C16orf46: variants seen among roughly 807,000 people sequenced by gnomAD.
The protein encoded by C16orf46 is chromosome 16 open reading frame 46, also known as uncharacterized protein C16orf46.
C16orf46 carries 7 observed loss-of-function variants against 5.5 expected under a neutral mutation model. That is an observed-to-expected ratio of 1.28 (90% CI 0.73 to 2.40). The LOEUF is 2.40. Ranked by LOEUF, C16orf46 falls within the 30% of genes most tolerant of loss-of-function variation. The pLI is 0.00. For missense variants in C16orf46, 614 were observed against 476.0 expected (o/e 1.29, Z -2.70); for synonymous variants, 200 against 184.1 (o/e 1.09, Z -0.70).
At chr16:81,063,279 T>A (rs1407243310) in intron 3 of C16orf46, among the ~76,000 whole-genome samples, 1 of 149,208 alleles carries the variant, frequency 6.7e-6, no homozygotes, top group Non-Finnish European at 1.5e-5. Context: ...CCCACAGAGT[T>A]CTGAGTAGAG....
chr16:81,057,573 A>G (rs1971336042), downstream of C16orf46, among the ~76,000 whole-genome samples: 1 of 151,734 alleles, frequency 6.6e-6, no homozygotes, highest in African/African-American at 2.4e-5. Context: ...GTTGGTAGAG[A>G]AGGTTAAGTG....
In C16orf46 at chr16:81,054,335, C is replaced by T. The variant is rs1465725099; in HGVS notation, c.1144-241G>A. 2.0e-5 allele frequency among the ~76,000 whole-genome samples: 3 copies of T among 151,394 alleles called. No individual in the cohort carries two copies. In the East Asian group the frequency reaches 5.8e-4, roughly 29 times the overall value. On this transcript the variant is annotated intron_variant, in intron 3 of 3. Coordinates refer to the C16orf46 transcript ENST00000378611. ...TTTTCTTTTTAAAACGTGAGCCCAC[C>T]GAAATTAAGATTTTAATTTTGGGAA...
Position 81,061,520 on chromosome 16 carries a change from CG to C in C16orf46, c.828del (p.Asn276LysfsTer16). On this transcript the variant is annotated frameshift_variant, in exon 4 of 4. Coordinates refer to ENST00000299578, the MANE Select transcript of C16orf46 (RefSeq NM_152337.3). LOFTEE classifies it low-confidence loss of function (END_TRUNC). ...GCTGGGGAAGGGGAGGATGGCGTGT[CG>C]TTGACCATAGGGTGTTTGGCCAGCT... ...ASELAKHPMV[N>X]DTPSSPSPAA... 6.2e-7 allele frequency: 1 copy of C among 1,614,156 alleles called. No individual in the cohort carries two copies. Among genetic ancestry groups the C allele is most frequent in the Non-Finnish European group, 8.5e-7 (1 of 1,180,030 alleles).
chr16:81,061,240 T>C lies in C16orf46; in HGVS notation c.1109A>G (p.Lys370Arg). 1.9e-6 allele frequency: 3 copies of C among 1,614,064 alleles called. No individual in the cohort carries two copies. Among genetic ancestry groups the C allele is most frequent in the South Asian group, 1.1e-5 (1 of 91,078 alleles). ...CGGCAAGACAGGTCTTGGGAAAACT[T>C]TGGTCTCCAGCATTTGGGGCCTGTT... ...QENRPQMLET[K>R]VFPRPVLPSL... The change falls in exon 4 of 4, where the codon AAA (lysine) becomes AGA (arginine). Residue 370 changes from lysine (K) to arginine (R), a missense_variant. Transcript: ENST00000299578.
At position 81,061,327 on chromosome 16, in the gene C16orf46, GC is replaced by G. The variant is rs774548786; in HGVS notation, c.1021del (p.Ala341ProfsTer8). 4.3e-6 allele frequency: 7 copies of G among 1,614,002 alleles called. No individual in the cohort carries two copies. The Admixed American group carries it at 1.0e-4, about 23-fold the overall frequency. On this transcript the variant is annotated frameshift_variant, in exon 4 of 4. Coordinates refer to ENST00000299578, the MANE Select transcript of C16orf46 (RefSeq NM_152337.3). LOFTEE classifies it low-confidence loss of function (END_TRUNC). The part of the protein sequence containing the change: ...GVQSYKSKFK[A>X]KEPRSPVITR... Reference sequence around the variant, plus strand: ...GATCACAGGAGATCTTGGCTCCTTGGCTTTGAATTTGGATTTGTAGCTTTGC... The same window carrying G: ...GATCACAGGAGATCTTGGCTCCTTGGTTTGAATTTGGATTTGTAGCTTTGC...
chr16:81,058,955 G>A (rs912556385), downstream of C16orf46, among the ~76,000 whole-genome samples: 3 of 152,130 alleles, frequency 2.0e-5, no homozygotes, highest in Non-Finnish European at 2.9e-5. Context: ...ACCCTCTGCT[G>A]AACAATTTCT....
At chr16:81,069,658 G>C (rs2151755772) in intron 1 of C16orf46, among the ~76,000 whole-genome samples, 1 of 152,282 alleles carries the variant, frequency 6.6e-6, no homozygotes, top group Non-Finnish European at 1.5e-5. Context: ...GGTATCATTA[G>C]AGGTGAAATA....
intron 1 of C16orf46, among the ~76,000 whole-genome samples, chr16:81,074,611 T>G (rs780595273): frequency 5.1e-4 from 78 of 152,142 alleles, no homozygotes; most frequent in Middle Eastern, 3.4e-3. Flanking sequence ...TCTCGATCTC[T>G]TGACCTCGTG....
rs11862612 is a variant in C16orf46, at chr16:81,076,081, G to T, written c.-128+1055C>A. Among the ~76,000 whole-genome samples the T allele has an allele frequency of 6.7e-3, 1,023 of 152,246 alleles. 19 individuals carry two copies. Among genetic ancestry groups the T allele is most frequent in the African/African-American group, 0.023 (966 of 41,522 alleles). On this transcript the variant is annotated intron_variant, in intron 1 of 3. Coordinates refer to ENST00000299578, the MANE Select transcript of C16orf46 (RefSeq NM_152337.3). ...GGAATTTGAATGAACGTTCCTGTGG[G>T]TCGGCTCCTTAACAACCTATGCTGA...
downstream of C16orf46, chr16:81,060,814 G>C (rs9937372): frequency 5.6e-4 from 152 of 269,712 alleles, no homozygotes; most frequent in African/African-American, 3.2e-3. Context: ...GAGGGAAGGA[G>C]GCCCTTTGGA....
chr16:81,067,084 A>G (rs1403452213), intron 1 of C16orf46, among the ~76,000 whole-genome samples: 8 of 152,188 alleles, frequency 5.3e-5, no homozygotes, highest in Admixed American at 1.3e-4. Flanking sequence ...AACCCAAAGA[A>G]AAACTGATCA....
Position 81,061,302 on chromosome 16 carries a change from G to A in C16orf46, c.1047C>T (p.Ile349=), listed in dbSNP as rs1386134446. The A allele has an allele frequency of 1.4e-5, 22 of 1,613,994 alleles. No individual in the cohort carries two copies. The Admixed American group carries it at 3.7e-4, about 27-fold the overall frequency. Residue 349 remains isoleucine (I), a synonymous_variant, in exon 4 of 4, where the codon ATC becomes ATT. Transcript: ENST00000299578. The stretch of plus-strand genomic sequence containing the variant: ...CCTTTGGGAGAACATGCTTTCGGGT[G>A]ATCACAGGAGATCTTGGCTCCTTGG... ...FKAKEPRSPV[I]TRKHVLPKAK...
At chr16:81,075,065 G>A (rs182614079) in intron 1 of C16orf46, among the ~76,000 whole-genome samples, 1 of 152,226 alleles carries the variant, frequency 6.6e-6, no homozygotes, top group East Asian at 1.9e-4. Context: ...TGCCCTCTGG[G>A]TATCCCTTTC....
chr16:81,076,519 C>G (rs1972046081), intron 1 of C16orf46: 3 of 152,226 alleles, frequency 2.0e-5, no homozygotes, highest in Non-Finnish European at 4.4e-5. Context: ...CAATCTCAGT[C>G]TCAAACTCTT....
downstream of C16orf46, chr16:81,056,069 A>T (rs2151745666): frequency 6.6e-6 from 1 of 152,328 alleles, no homozygotes; most frequent in East Asian, 1.9e-4. Context: ...AGTTTAAGCT[A>T]AACGGGAGAG....
chr16:81,077,021 C>G (rs2151762494), intron 1 of C16orf46, 115 bp downstream of exon 1: 1 of 152,614 alleles, frequency 6.6e-6, no homozygotes, highest in East Asian at 1.9e-4. Context: ...CATAGTGCCT[C>G]TGCCTTTCGC....
exon 4 of C16orf46, chr16:81,053,796 A>G: frequency 2.8e-6 from 1 of 352,974 alleles, no homozygotes; most frequent in East Asian, 4.3e-5. Flanking sequence ...TGACTTTGTT[A>G]TTTTCAAAAG....
In C16orf46 at chr16:81,061,365, C is replaced by T. The variant is rs1242292471; in HGVS notation, c.984G>A (p.Gln328=). The T allele has an allele frequency of 6.2e-7, 1 of 1,614,064 alleles. No individual in the cohort carries two copies. The highest frequency in any genetic ancestry group is 8.5e-7 in the Non-Finnish European group (1 of 1,180,024). Residue 328 remains glutamine (Q), a synonymous_variant, in exon 4 of 4, where the codon CAG becomes CAA. Coordinates refer to ENST00000299578, the MANE Select transcript of C16orf46 (RefSeq NM_152337.3). ...VRYLAALQLL[Q]KRGVQSYKSK... is the part of the protein sequence containing the mutation. ...ATTTGTAGCTTTGCACTCCCCGTTT[C>T]TGCAGAAGCTGCAAGGCAGCAAGGT...
Position 81,061,660 on chromosome 16 carries a change from T to G in C16orf46, c.689A>C (p.Lys230Thr), listed in dbSNP as rs1246906105. Residue 230 changes from lysine to threonine, a missense_variant, in exon 4 of 4, where the codon AAG (lysine) becomes ACG (threonine). Lys to Thr is a moderately conservative substitution (Grantham distance 78, BLOSUM62 -1). Transcript: ENST00000299578. ...CTCTTCTGACTGCAAGAAAGAGTTC[T>G]TACTCTTCTTACCCAGAACATCCAA... is the stretch of plus-strand genomic sequence containing the variant. ...NALDVLGKKS[K>T]NSFLQSEEKV... 1.9e-6 allele frequency: 3 copies of G among 1,614,088 alleles called. No individual in the cohort carries two copies. Among genetic ancestry groups the G allele is most frequent in the Non-Finnish European group, 2.5e-6 (3 of 1,180,050 alleles).
Sources: gnomAD v4.1 joint callset for allele counts (sites outside exome capture counted in the v4.1 genomes callset) on GRCh38, gnomAD v4.1.1 for gene constraint, MANE v1.5 for transcripts, NCBI Gene and HGNC (gene_info 2026-07-23, HGNC 2026-07-21) for gene names.